DGLUCY: variants seen among roughly 807,000 people sequenced by gnomAD.
DGLUCY encodes the protein D-glutamate cyclase, mitochondrial.
DGLUCY carries 58 observed loss-of-function variants against 58.5 expected under a neutral mutation model. That is an observed-to-expected ratio of 0.99 (90% confidence interval 0.80 to 1.23). The LOEUF (loss-of-function observed/expected upper bound fraction) is 1.23. DGLUCY is among the 50% of genes most tolerant of loss of function. The pLI, the probability that DGLUCY is intolerant of heterozygous loss-of-function variation, is 0.00. For missense variants in DGLUCY, 779 were observed against 784.7 expected (o/e 0.99, Z 0.09); for synonymous variants, 325 against 314.1 (o/e 1.03, Z -0.37).
At chr14:91,205,793 T>G (rs1218411494) in intron 12 of DGLUCY, among the ~76,000 whole-genome samples, 1 of 141,764 alleles carries the variant, frequency 7.1e-6, no homozygotes, top group African/African-American at 3.0e-5. Context: ...CTTCTTCTTC[T>G]TCTCCGTCTC....
At chr14:91,103,872 C>T (rs1458705624), upstream of DGLUCY, among the ~76,000 whole-genome samples, 1 of 151,662 alleles carries the variant, frequency 6.6e-6, no homozygotes, top group Non-Finnish European at 1.5e-5. Flanking sequence ...ACAACATTCC[C>T]TTGTCCCCGC....
chr14:91,153,398 A>G (rs1390919933), intron 1 of DGLUCY, among the ~76,000 whole-genome samples: 4 of 152,114 alleles, frequency 2.6e-5, no homozygotes, highest in East Asian at 1.9e-4. Context: ...GGCCAGGCTG[A>G]TCTCAAACTC....
chr14:91,110,462 G>A (rs1269659128), upstream of DGLUCY, among the ~76,000 whole-genome samples: 4 of 127,788 alleles, frequency 3.1e-5, no homozygotes, highest in African/African-American at 6.1e-5. Flanking sequence ...AGTCAGTCTC[G>A]CTCTGTCACC....
intron 1 of DGLUCY, among the ~76,000 whole-genome samples, chr14:91,127,605 G>A (rs1023846020): frequency 6.6e-6 from 1 of 152,236 alleles, no homozygotes; most frequent in East Asian, 1.9e-4. Context: ...AGGGAACGCC[G>A]GGCAGAAGTG....
chr14:91,088,280 AG>A (rs2044253918), intron 1 of DGLUCY, among the ~76,000 whole-genome samples: 1 of 152,324 alleles, frequency 6.6e-6, no homozygotes, highest in Admixed American at 6.5e-5. Flanking sequence ...AGTGATATAA[AG>A]CATCATGTTT....
intron 10 of DGLUCY, among the ~76,000 whole-genome samples, 157 bp from the exon 11 acceptor site, chr14:91,199,600 G>A (rs1408403660): frequency 1.3e-5 from 2 of 152,100 alleles, no homozygotes; most frequent in East Asian, 3.9e-4. Flanking sequence ...TCCAGCACAG[G>A]TCCTGGCCCA....
At chr14:91,061,752 C>T (rs936365444) in intron 1 of DGLUCY, among the ~76,000 whole-genome samples, 28 of 152,130 alleles carry the variant, frequency 1.8e-4, no homozygotes, top group African/African-American at 5.8e-4. Flanking sequence ...AGAGATACAG[C>T]TGACAAGGTG....
intron 3 of DGLUCY, among the ~76,000 whole-genome samples, chr14:91,163,279 A>T (rs1361908431): frequency 6.6e-6 from 1 of 151,634 alleles, no homozygotes; most frequent in African/African-American, 2.4e-5. Context: ...AAAAAAAAAA[A>T]TCCAGTTTGT....
intron 1 of DGLUCY, among the ~76,000 whole-genome samples, chr14:91,082,302 C>T (rs1036402222): frequency 4.6e-5 from 7 of 152,126 alleles, no homozygotes; most frequent in Non-Finnish European, 1.0e-4. Context: ...GGTACCTGAC[C>T]CAAGTGTAGC....
intron 1 of DGLUCY, among the ~76,000 whole-genome samples, chr14:91,146,126 G>A (rs1329018644): frequency 6.6e-6 from 1 of 152,154 alleles, no homozygotes; most frequent in East Asian, 1.9e-4. Flanking sequence ...ACCCTCCTCA[G>A]CCTCCCAAAG....
intron 13 of DGLUCY, among the ~76,000 whole-genome samples, chr14:91,224,175 T>C (rs1482689729): frequency 6.6e-6 from 1 of 152,216 alleles, no homozygotes; most frequent in Non-Finnish European, 1.5e-5. Context: ...AGGAACTTAT[T>C]GGCAGGAAAT....
intron 1 of DGLUCY, among the ~76,000 whole-genome samples, chr14:91,088,860 C>A (rs1223992288): frequency 2.0e-5 from 3 of 152,194 alleles, no homozygotes. Context: ...CCTTGGGGAC[C>A]CCGCCCTCCC....
chr14:91,136,599 G>T (rs1273757610), intron 1 of DGLUCY, among the ~76,000 whole-genome samples: 1 of 138,360 alleles, frequency 7.2e-6, no homozygotes, highest in Admixed American at 7.1e-5. Flanking sequence ...CAGGAGAATT[G>T]CTTGAATCTG....
intron 12 of DGLUCY, among the ~76,000 whole-genome samples, chr14:91,209,804 A>G (rs1403862307): frequency 6.6e-6 from 1 of 152,220 alleles, no homozygotes; most frequent in Non-Finnish European, 1.5e-5. Context: ...TAAAGACACT[A>G]TATGTGTCTT....
chr14:91,181,672 CT>C (rs1332359380), intron 8 of DGLUCY, among the ~76,000 whole-genome samples: 2 of 134,488 alleles, frequency 1.5e-5, no homozygotes. Flanking sequence ...TCTTTTCTTT[CT>C]TTTTTTTCTT....
chr14:91,075,646 G>A (rs1360154195), intron 1 of DGLUCY, among the ~76,000 whole-genome samples: 1 of 152,202 alleles, frequency 6.6e-6, no homozygotes, highest in East Asian at 1.9e-4. Context: ...AGGACAAGAG[G>A]AAATGGAGTA....
intron 8 of DGLUCY, among the ~76,000 whole-genome samples, chr14:91,181,623 T>C (rs61296840): frequency 1.3e-5 from 2 of 149,010 alleles, no homozygotes; most frequent in Non-Finnish European, 3.0e-5. Flanking sequence ...CTTACTTTCT[T>C]TTTCTTTCTT....
At chr14:91,114,810 G>C (rs1207107803) in intron 1 of DGLUCY, 1 of 152,424 alleles carries the variant, frequency 6.6e-6, no homozygotes. Flanking sequence ...ATGAGGTAGC[G>C]GCCAGGCTGA....
chr14:91,105,644 C>T (rs911759450), upstream of DGLUCY, among the ~76,000 whole-genome samples: 1 of 152,198 alleles, frequency 6.6e-6, no homozygotes, highest in African/African-American at 2.4e-5. Flanking sequence ...AAATAGCATG[C>T]TATGAAACTC....
Sources: gnomAD v4.1 joint callset for allele counts (sites outside exome capture counted in the v4.1 genomes callset) on GRCh38, gnomAD v4.1.1 for gene constraint, MANE v1.5 for transcripts, NCBI Gene and HGNC (gene_info 2026-07-23, HGNC 2026-07-21) for gene names.